DCAF6: variants seen among roughly 807,000 people sequenced by gnomAD.
DCAF6 encodes DDB1 and CUL4 associated factor 6, also known as DDB1- and CUL4-associated factor 6.
DCAF6 carries 54 observed loss-of-function variants against 125.1 expected under a neutral mutation model. That is an observed-to-expected ratio of 0.43 (90% CI 0.35 to 0.54). DCAF6 has a LOEUF of 0.54. Among genes scored for constraint, DCAF6 ranks in the 20% least tolerant of loss-of-function variants. DCAF6 has a pLI of 0.01. For synonymous variants in DCAF6, 371 were observed against 390.4 expected, an observed-to-expected ratio of 0.95 and a Z score of 0.58; for missense variants, 934 against 1,161.7, an observed-to-expected ratio of 0.80 and a Z score of 2.85.
the DCAF6 span, among the ~76,000 whole-genome samples, chr1:167,909,169 T>G: frequency 6.6e-6 from 1 of 152,242 alleles, no homozygotes; most frequent in Non-Finnish European, 1.5e-5. Context: ...TACTACATAT[T>G]TTGTGTTTGT....
the DCAF6 span, chr1:167,901,559 T>C: frequency 8.2e-7 from 1 of 1,216,558 alleles, no homozygotes; most frequent in Non-Finnish European, 1.2e-6. Flanking sequence ...ATCATGGGGC[T>C]GAGCCACCAT....
chr1:167,926,620 A>ATGC, the DCAF6 span, among the ~76,000 whole-genome samples: 1 of 152,138 alleles, frequency 6.6e-6, no homozygotes, highest in South Asian at 2.1e-4. Context: ...ACTGCTGCAG[A>ATGC]TGCTGCTGCT....
chr1:167,925,442 C>CACACATATAT, the DCAF6 span, among the ~76,000 whole-genome samples: 1 of 82,478 alleles, frequency 1.2e-5, no homozygotes, highest in African/African-American at 5.1e-5. Context: ...TACATATACA[C>CACACATATAT]ATATATATAT....
chr1:168,072,294 T>TG (rs1693164135), intron 21 of DCAF6, among the ~76,000 whole-genome samples: 10 of 41,014 alleles, frequency 2.4e-4, no homozygotes, highest in Non-Finnish European at 4.5e-4. Context: ...AGAATCAGTC[T>TG]AAAAAAAAAA....
At chr1:167,969,294 A>G (rs1166988896) in intron 3 of DCAF6, 1 of 152,164 alleles carries the variant, frequency 6.6e-6, no homozygotes, top group African/African-American at 2.4e-5. Flanking sequence ...ATAGAATGTA[A>G]TCTTCAGCCA....
At chr1:167,870,355 A>T in the DCAF6 span, 3 of 1,613,634 alleles carry the variant, frequency 1.9e-6, no homozygotes, top group Non-Finnish European at 2.5e-6. Flanking sequence ...GGCTGCTGTT[A>T]GATATCAAAA....
At chr1:168,010,104 G>A (rs1455460934) in intron 10 of DCAF6, among the ~76,000 whole-genome samples, 4 of 152,156 alleles carry the variant, frequency 2.6e-5, no homozygotes, top group Non-Finnish European at 5.9e-5. Flanking sequence ...ACACCTAGAA[G>A]AGAGATGCTG....
intron 10 of DCAF6, among the ~76,000 whole-genome samples, chr1:168,014,592 CA>C: frequency 6.6e-6 from 1 of 152,308 alleles, no homozygotes; most frequent in South Asian, 2.1e-4. Context: ...TTCTTTCCCC[CA>C]ACACTACTTG....
chr1:167,885,148 C>T, the DCAF6 span, among the ~76,000 whole-genome samples: 7 of 152,138 alleles, frequency 4.6e-5, no homozygotes, highest in African/African-American at 1.7e-4. Flanking sequence ...AATAGTACTT[C>T]GTTGTGTATA....
intron 7 of DCAF6, among the ~76,000 whole-genome samples, chr1:167,996,260 AT>A (rs1324946083): frequency 6.8e-6 from 1 of 147,916 alleles, no homozygotes; most frequent in East Asian, 2.0e-4. Context: ...TTATTTTTCT[AT>A]CCTTTTTTCT....
At chr1:167,903,739 A>C in the DCAF6 span, 2 of 662,196 alleles carry the variant, frequency 3.0e-6, no homozygotes, top group Non-Finnish European at 5.5e-6. Context: ...ATACTATATC[A>C]TATTTCAAAA....
intron 7 of DCAF6, among the ~76,000 whole-genome samples, chr1:168,000,985 T>C (rs1372590733): frequency 3.3e-5 from 5 of 152,168 alleles, no homozygotes; most frequent in Non-Finnish European, 7.4e-5. Context: ...TTATGGTATG[T>C]GAATTATATT....
intron 1 of DCAF6, among the ~76,000 whole-genome samples, chr1:167,948,080 T>TA (rs1172562795): frequency 7.2e-5 from 11 of 152,282 alleles, no homozygotes; most frequent in Middle Eastern, 3.4e-3. Flanking sequence ...TTAGAATTGT[T>TA]ATATATTCTT....
chr1:167,966,690 A>G lies in DCAF6; in HGVS notation c.221A>G (p.Lys74Arg), dbSNP rs201085062. The change falls in exon 3 of 22, where the codon AAA becomes AGA. Residue 74 changes from lysine to arginine, a missense_variant. Physicochemically the swap from Lys to Arg is conservative, Grantham distance 26. Transcript: ENST00000367840. ...EYILSGSDDTKLVISNPYSRK... is the reference protein window; with the variant it reads ...EYILSGSDDTRLVISNPYSRK... Reference sequence around the variant, plus strand: ...ATTTTATCTGGCTCAGATGACACCAAATTAGTAATTAGTAATCCTTACAGC... The same window carrying G: ...ATTTTATCTGGCTCAGATGACACCAGATTAGTAATTAGTAATCCTTACAGC... The G allele has an allele frequency of 3.8e-6, 6 of 1,594,234 alleles. No homozygotes were observed. The highest frequency in any genetic ancestry group is 2.2e-5 in the South Asian group (2 of 90,206).
chr1:167,883,822 C>T, the DCAF6 span, among the ~76,000 whole-genome samples: 1 of 152,178 alleles, frequency 6.6e-6, no homozygotes, highest in African/African-American at 2.4e-5. Flanking sequence ...CCAGTGGGGA[C>T]TTATGCATGT....
chr1:167,906,667 T>C, the DCAF6 span, among the ~76,000 whole-genome samples: 4 of 150,270 alleles, frequency 2.7e-5, no homozygotes, highest in Non-Finnish European at 4.4e-5. Context: ...CATGCACCTG[T>C]AGTCCCAGCT....
the DCAF6 span, among the ~76,000 whole-genome samples, chr1:167,923,133 G>A: frequency 6.6e-6 from 1 of 152,128 alleles, no homozygotes; most frequent in Non-Finnish European, 1.5e-5. Flanking sequence ...TAATGTAGTT[G>A]CTGAGGAAAA....
intron 2 of DCAF6, among the ~76,000 whole-genome samples, chr1:167,956,288 C>T (rs1674780081): frequency 6.6e-6 from 1 of 151,796 alleles, no homozygotes; most frequent in South Asian, 2.1e-4. Context: ...CTTGAGTGAA[C>T]CTTGTTTAAT....
intron 7 of DCAF6, among the ~76,000 whole-genome samples, chr1:168,001,444 T>TG (rs1309511113): frequency 2.0e-5 from 3 of 152,192 alleles, no homozygotes; most frequent in Non-Finnish European, 4.4e-5. Context: ...TCAGTGAACT[T>TG]GGCAATTGAT....
Sources: gnomAD v4.1 joint callset for allele counts (sites outside exome capture counted in the v4.1 genomes callset) on GRCh38, gnomAD v4.1.1 for gene constraint, MANE v1.5 for transcripts, NCBI Gene and HGNC (gene_info 2026-07-23, HGNC 2026-07-21) for gene names.